CALCRL: variants seen among roughly 807,000 people sequenced by gnomAD.
CALCRL encodes calcitonin receptor like receptor.
CALCRL carries 27 observed loss-of-function variants against 60.4 expected under a neutral mutation model. That is an observed-to-expected ratio of 0.45 (90% CI 0.33 to 0.62). The LOEUF (loss-of-function observed/expected upper bound fraction) is 0.62. CALCRL is among the 20% of genes least tolerant of loss of function. The pLI is 0.03. For missense variants in CALCRL, 424 were observed against 540.7 expected, an observed-to-expected ratio of 0.78 and a Z score of 2.14; for synonymous variants, 190 against 182.6, an observed-to-expected ratio of 1.04 and a Z score of -0.33.
intron 1 of CALCRL, among the ~76,000 whole-genome samples, chr2:187,392,189 C>T (rs1688474461): frequency 6.6e-6 from 1 of 151,946 alleles, no homozygotes; most frequent in African/African-American, 2.4e-5. Context: ...AGTCACCTAG[C>T]CCTAATATTG....
intron 14 of CALCRL, 81 bp downstream of exon 14, chr2:187,351,839 A>G: frequency 1.1e-6 from 1 of 870,398 alleles, no homozygotes; most frequent in Middle Eastern, 3.4e-4. Flanking sequence ...GGAATTTATA[A>G]TTTTATCTCA....
chr2:187,422,362 C>G (rs1689914878), intron 1 of CALCRL, among the ~76,000 whole-genome samples: 1 of 152,154 alleles, frequency 6.6e-6, no homozygotes, highest in Non-Finnish European at 1.5e-5. Flanking sequence ...ACAAATCCAG[C>G]TTCATCTAGT....
intron 14 of CALCRL, among the ~76,000 whole-genome samples, chr2:187,348,508 A>G (rs698593): frequency 0.43 from 64,464 of 151,376 alleles, 15,347 homozygotes; most frequent in African/African-American, 0.64. Flanking sequence ...TGAGTCTAGT[A>G]CTTATAGTCT....
At chr2:187,383,777 C>A (rs538202090) in intron 4 of CALCRL, among the ~76,000 whole-genome samples, 101 of 152,208 alleles carry the variant, frequency 6.6e-4, no homozygotes, top group African/African-American at 2.3e-3. Flanking sequence ...GAAATACTTA[C>A]AATGTATTGC....
At position 187,346,222 on chromosome 2, in the gene CALCRL, C is replaced by A. The variant is rs762193098; in HGVS notation, c.1348G>T (p.Glu450Ter). 2.5e-6 allele frequency: 4 copies of A among 1,610,770 alleles called. No individual in the cohort carries two copies. Among genetic ancestry groups the A allele is most frequent in the African/African-American group, 2.7e-5 (2 of 74,870 alleles). ...TTTTCTGGTTTTAAGAGAACATTTT[C>A]AATATCATGGATGCTTTTTCCATTT... ...HLNGKSIHDIENVLLKPENLY... is the reference protein window; with the variant it reads ...HLNGKSIHDI The change falls in exon 15 of 15, where the codon GAA becomes TAA. Residue 450 changes from glutamate (E) to a stop codon, truncating the protein, a stop_gained. Coordinates refer to ENST00000392370, the MANE Select transcript of CALCRL (RefSeq NM_005795.6). LOFTEE classifies it high-confidence loss of function.
At position 187,342,617 on chromosome 2, in the gene CALCRL, A is replaced by G. The variant is rs1166486774; in HGVS notation, c.*3567T>C. 3.3e-5 allele frequency among the ~76,000 whole-genome samples: 5 copies of G among 151,694 alleles called. No individual in the cohort carries two copies. In the South Asian group the frequency reaches 8.3e-4, roughly 25 times the overall value. On this transcript the variant is annotated 3_prime_UTR_variant, in exon 15 of 15. Coordinates refer to ENST00000392370, the MANE Select transcript of CALCRL (RefSeq NM_005795.6). ...GGAGGAGAGATTATAAGAAAAAAACACAAGTGTTTTAAATGGGCATTTTCT... is the reference window on the plus strand; with the variant it reads ...GGAGGAGAGATTATAAGAAAAAAACGCAAGTGTTTTAAATGGGCATTTTCT...
At chr2:187,445,204 C>T (rs1311869878) in intron 1 of CALCRL, among the ~76,000 whole-genome samples, 2 of 151,612 alleles carry the variant, frequency 1.3e-5, no homozygotes, top group Middle Eastern at 3.2e-3. Flanking sequence ...ACTTGACTCT[C>T]ATAAGAGCGT....
chr2:187,370,302 G>A (rs1687465645), intron 8 of CALCRL, among the ~76,000 whole-genome samples: 1 of 151,954 alleles, frequency 6.6e-6, no homozygotes, highest in South Asian at 2.1e-4. Flanking sequence ...AAAATAAACT[G>A]TCTATAATAA....
chr2:187,351,793 C>T (rs1686544049), intron 14 of CALCRL, 127 bp downstream of exon 14: 2 of 640,858 alleles, frequency 3.1e-6, no homozygotes, highest in Non-Finnish European at 5.4e-6. Context: ...TGGTTCTTTC[C>T]CTGATGGAAA....
chr2:187,381,457 T>A (rs1687981918), intron 5 of CALCRL, among the ~76,000 whole-genome samples: 1 of 151,820 alleles, frequency 6.6e-6, no homozygotes. Context: ...ATTAAAAAAG[T>A]AATTTTCTTT....
chr2:187,371,676 C>T (rs1479311542), intron 8 of CALCRL, among the ~76,000 whole-genome samples: 1 of 151,576 alleles, frequency 6.6e-6, no homozygotes, highest in Non-Finnish European at 1.5e-5. Context: ...GCAGAGGTTG[C>T]AGTGAGCCAA....
intron 1 of CALCRL, among the ~76,000 whole-genome samples, chr2:187,427,043 A>C (rs1376566066): frequency 6.6e-6 from 1 of 152,152 alleles, no homozygotes; most frequent in Non-Finnish European, 1.5e-5. Context: ...AGAGATTGTT[A>C]CACCTTCCAA....
intron 14 of CALCRL, among the ~76,000 whole-genome samples, chr2:187,347,364 G>A (rs1000222543): frequency 1.3e-5 from 2 of 151,786 alleles, no homozygotes; most frequent in Non-Finnish European, 2.9e-5. Flanking sequence ...TATCTGCCCA[G>A]AGTGGGTTTG....
intron 9 of CALCRL, among the ~76,000 whole-genome samples, chr2:187,361,688 G>A (rs2105730144): frequency 6.6e-6 from 1 of 151,788 alleles, no homozygotes; most frequent in East Asian, 1.9e-4. Flanking sequence ...ATTCTTAACG[G>A]TAGTCCTATG....
intron 1 of CALCRL, among the ~76,000 whole-genome samples, chr2:187,440,105 T>TG (rs1690822551): frequency 2.0e-5 from 3 of 152,142 alleles, no homozygotes; most frequent in East Asian, 3.8e-4. Flanking sequence ...CAATGATCTT[T>TG]GTTCCTTACC....
intron 1 of CALCRL, among the ~76,000 whole-genome samples, chr2:187,421,639 G>C (rs564297612): frequency 6.6e-6 from 1 of 152,182 alleles, no homozygotes; most frequent in Non-Finnish European, 1.5e-5. Context: ...GCTACATTCT[G>C]TGCACAACTG....
chr2:187,357,991 G>C (rs1686873746), intron 12 of CALCRL, among the ~76,000 whole-genome samples: 1 of 151,816 alleles, frequency 6.6e-6, no homozygotes, highest in African/African-American at 2.4e-5. Flanking sequence ...CACTCCTAAG[G>C]ACTGTAATTG....
intron 1 of CALCRL, among the ~76,000 whole-genome samples, chr2:187,414,499 T>C (rs1311166500): frequency 1.3e-5 from 2 of 152,158 alleles, no homozygotes; most frequent in African/African-American, 4.8e-5. Flanking sequence ...TAAGAGGAGT[T>C]GTAATTATTA....
intron 12 of CALCRL, among the ~76,000 whole-genome samples, chr2:187,357,948 C>CA: frequency 6.6e-6 from 1 of 151,704 alleles, no homozygotes; most frequent in African/African-American, 2.4e-5. Flanking sequence ...ACAACAACAA[C>CA]AACAAAATGA....
Sources: gnomAD v4.1 joint callset for allele counts (sites outside exome capture counted in the v4.1 genomes callset) on GRCh38, gnomAD v4.1.1 for gene constraint, MANE v1.5 for transcripts, NCBI Gene and HGNC (gene_info 2026-07-23, HGNC 2026-07-21) for gene names.